The following DOCK3 variants were observed in gnomAD, a reference collection of about 807,000 sequenced individuals.
DOCK3 encodes the protein dedicator of cytokinesis protein 3.
DOCK3 carries 60 observed loss-of-function variants against 265.6 expected under a neutral mutation model. The observed-to-expected ratio is 0.23, with a 90% CI of 0.18 to 0.28. The LOEUF (loss-of-function observed/expected upper bound fraction) is 0.28, where lower values mean the gene tolerates loss of function less well. Ranked by LOEUF, DOCK3 falls within the 10% of genes least tolerant of loss-of-function variation. The pLI is 1.00. For synonymous variants in DOCK3, 881 were observed against 938.0 expected (o/e 0.94, Z 1.11); for missense variants, 1,981 against 2,594.3 (o/e 0.76, Z 5.14).
chr3:51,340,847 TCTGAGAA>T (rs2110083667), intron 37 of DOCK3, among the ~76,000 whole-genome samples: 1 of 152,270 alleles, frequency 6.6e-6, no homozygotes, highest in Non-Finnish European at 1.5e-5. Context: ...AAGAGCCAGT[TCTGAGAA>T]GGTTGGAAAG....
intron 5 of DOCK3, among the ~76,000 whole-genome samples, chr3:50,950,773 A>C (rs960825555): frequency 1.3e-5 from 2 of 152,188 alleles, no homozygotes; most frequent in African/African-American, 4.8e-5. Flanking sequence ...CTCACAGGGC[A>C]AGTGGAAATC....
At chr3:51,191,897 G>A (rs1414497692) in intron 12 of DOCK3, among the ~76,000 whole-genome samples, 2 of 151,314 alleles carry the variant, frequency 1.3e-5, no homozygotes, top group African/African-American at 2.4e-5. Context: ...GTCCCTTGTT[G>A]TATAAGTAGT....
chr3:50,916,686 G>A (rs2050144528), intron 4 of DOCK3, among the ~76,000 whole-genome samples: 1 of 151,536 alleles, frequency 6.6e-6, no homozygotes, highest in Admixed American at 6.6e-5. Context: ...GCGGGCACCT[G>A]TAATCCCAGC....
At chr3:51,190,578 T>C (rs1470599457) in intron 12 of DOCK3, among the ~76,000 whole-genome samples, 1 of 152,218 alleles carries the variant, frequency 6.6e-6, no homozygotes, top group Non-Finnish European at 1.5e-5. Context: ...CACAGTGTTA[T>C]TCTATCTGCA....
chr3:51,197,675 A>G (rs2107940892), intron 12 of DOCK3, among the ~76,000 whole-genome samples: 1 of 152,216 alleles, frequency 6.6e-6, no homozygotes, highest in Middle Eastern at 3.4e-3. Context: ...AATGGTGAGA[A>G]CAGCACCAGC....
chr3:51,159,220 G>A (rs2086010875), intron 10 of DOCK3, 24 bp from the exon 11 acceptor site: 2 of 1,610,824 alleles, frequency 1.2e-6, no homozygotes, highest in Admixed American at 1.7e-5. Context: ...TTCCTTGCCT[G>A]AATTTACTTA....
chr3:50,766,189 T>G (rs2040860847), intron 1 of DOCK3, among the ~76,000 whole-genome samples: 2 of 152,004 alleles, frequency 1.3e-5, no homozygotes, highest in South Asian at 4.1e-4. Context: ...TTGTTACATA[T>G]GTATACATGT....
intron 32 of DOCK3, among the ~76,000 whole-genome samples, chr3:51,317,467 A>G (rs1250396722): frequency 6.6e-6 from 1 of 151,014 alleles, no homozygotes; most frequent in Non-Finnish European, 1.5e-5. Context: ...GTAGTCCCAG[A>G]TACTCAGGAG....
At chr3:51,178,787 T>TA (rs2087117625) in intron 12 of DOCK3, among the ~76,000 whole-genome samples, 1 of 152,190 alleles carries the variant, frequency 6.6e-6, no homozygotes, top group South Asian at 2.1e-4. Flanking sequence ...AAAAGTATAG[T>TA]AAAAAGATAT....
intron 26 of DOCK3, among the ~76,000 whole-genome samples, chr3:51,279,090 T>C (rs996769926): frequency 6.6e-6 from 1 of 151,120 alleles, no homozygotes; most frequent in Non-Finnish European, 1.5e-5. Flanking sequence ...CTACTAAAAA[T>C]ACAAAAAAAA....
chr3:51,312,710 C>G (rs1576760937), intron 30 of DOCK3, 134 bp downstream of exon 30: 2 of 1,237,302 alleles, frequency 1.6e-6, no homozygotes, highest in African/African-American at 3.0e-5. Flanking sequence ...GGAGTTCAGT[C>G]GAGAGCCCAA....
Position 51,146,639 on chromosome 3 carries a change from G to C in DOCK3, c.828+9G>C. On this transcript the variant is annotated intron_variant, in intron 10 of 52. Coordinates refer to ENST00000266037, the MANE Select transcript of DOCK3 (RefSeq NM_004947.5). The stretch of plus-strand genomic sequence containing the variant: ...TGTGTGCCCTTTTTACAGTATGTAC[G>C]AATTCTCTTTTTCTTCTTTGCTGTT... 1 of 1,572,790 alleles carries C rather than the reference G, an allele frequency of 6.4e-7. No homozygotes were observed. Among genetic ancestry groups the C allele is most frequent in the Non-Finnish European group, 8.6e-7 (1 of 1,157,820 alleles).
chr3:50,909,127 C>G (rs2049716532), intron 4 of DOCK3, among the ~76,000 whole-genome samples: 1 of 151,842 alleles, frequency 6.6e-6, no homozygotes, highest in African/African-American at 2.4e-5. Context: ...TGAGATGGGT[C>G]TCCTGAAGAC....
chr3:51,043,397 A>C (rs757046477), intron 5 of DOCK3, among the ~76,000 whole-genome samples: 1 of 152,194 alleles, frequency 6.6e-6, no homozygotes, highest in Non-Finnish European at 1.5e-5. Flanking sequence ...AGAAGATTGA[A>C]ACTGCACTCC....
chr3:50,913,194 C>T (rs2049949046), intron 4 of DOCK3, among the ~76,000 whole-genome samples: 1 of 151,990 alleles, frequency 6.6e-6, no homozygotes, highest in Non-Finnish European at 1.5e-5. Context: ...TGGGTCCTTC[C>T]CTTCAAGGCT....
intron 12 of DOCK3, among the ~76,000 whole-genome samples, chr3:51,198,662 T>A (rs2088482756): frequency 6.6e-6 from 1 of 151,102 alleles, no homozygotes; most frequent in South Asian, 2.1e-4. Flanking sequence ...TTTCTGTGGG[T>A]TTGAAAACCC....
chr3:50,797,751 TG>T (rs1156757687), intron 2 of DOCK3, among the ~76,000 whole-genome samples: 3 of 152,258 alleles, frequency 2.0e-5, no homozygotes, highest in Non-Finnish European at 2.9e-5. Context: ...TTGTTGGTTT[TG>T]TTTGCAATTC....
At chr3:51,264,864 G>C (rs996409324) in intron 23 of DOCK3, among the ~76,000 whole-genome samples, 8 of 52,076 alleles carry the variant, frequency 1.5e-4, no homozygotes, top group African/African-American at 5.3e-4. Flanking sequence ...AAATAACTTA[G>C]ATCAGAACAG....
chr3:51,175,786 T>C (rs956891540), intron 12 of DOCK3, among the ~76,000 whole-genome samples: 1 of 152,202 alleles, frequency 6.6e-6, no homozygotes, highest in African/African-American at 2.4e-5. Context: ...CTGGTCTTTG[T>C]ATATAATAAC....
Sources: allele counts gnomAD v4.1 joint callset (sites outside exome capture counted in the v4.1 genomes callset), GRCh38; gene constraint gnomAD v4.1.1; transcripts MANE v1.5; gene names NCBI Gene and HGNC (gene_info 2026-07-23, HGNC 2026-07-21).